The following LRRC4C variants were observed in gnomAD, a reference collection of about 807,000 sequenced individuals.
LRRC4C encodes leucine-rich repeat-containing protein 4C.
LRRC4C carries 5 observed loss-of-function variants against 33.6 expected under a neutral mutation model. The ratio of observed to expected loss-of-function variants is 0.15; its 90% CI spans 0.08 to 0.31. LRRC4C has a LOEUF of 0.31. Ranked by LOEUF, LRRC4C falls within the 10% of genes least tolerant of loss-of-function variation. The probability of loss-of-function intolerance (pLI) is 1.00; values close to 1 mark genes in which losing one functional copy is unlikely to be tolerated. For synonymous variants in LRRC4C, 329 were observed against 302.0 expected (o/e 1.09, Z -0.93); for missense variants, 560 against 796.7 (o/e 0.70, Z 3.58).
chr11:41,340,449 G>A (rs762789673), intron 1 of LRRC4C, among the ~76,000 whole-genome samples: 4 of 152,080 alleles, frequency 2.6e-5, no homozygotes, highest in Non-Finnish European at 5.9e-5. Flanking sequence ...AGTCTTAATC[G>A]GAAGTTAAAT....
At chr11:41,244,627 C>A (rs564849091) in intron 1 of LRRC4C, among the ~76,000 whole-genome samples, 2 of 152,260 alleles carry the variant, frequency 1.3e-5, no homozygotes, top group South Asian at 4.1e-4. Flanking sequence ...GAATTACAAA[C>A]TTTTCTTTTT....
intron 2 of LRRC4C, among the ~76,000 whole-genome samples, chr11:40,769,170 C>T (rs1949630205): frequency 6.6e-6 from 1 of 151,904 alleles, no homozygotes; most frequent in Non-Finnish European, 1.5e-5. Flanking sequence ...GTGAGTAAAA[C>T]TTTATTTGTC....
In LRRC4C at chr11:40,835,127, C is replaced by A. The variant is rs572022993; in HGVS notation, c.-407+98508G>T. Among the ~76,000 whole-genome samples the A allele has an allele frequency of 1.5e-4, 23 of 152,202 alleles. No homozygotes were observed. The South Asian group carries it at 4.4e-3, about 29-fold the overall frequency. ...TTAAAGAAAACTTAAACATGAAATT[C>A]ATTTAGCTCAACCACCATCCTGATA... On this transcript the variant is annotated intron_variant, in intron 2 of 6. Transcript: ENST00000528697.
chr11:40,789,093 G>GAACA (rs1554960705), intron 2 of LRRC4C, among the ~76,000 whole-genome samples: 2 of 63,524 alleles, frequency 3.1e-5, no homozygotes, highest in Non-Finnish European at 5.7e-5. Context: ...TCCGTCTCGG[G>GAACA]AAAAAAAAAA....
chr11:41,284,233 A>G (rs1949754308), intron 1 of LRRC4C, among the ~76,000 whole-genome samples: 2 of 152,202 alleles, frequency 1.3e-5, no homozygotes, highest in Admixed American at 6.5e-5. Flanking sequence ...TATTGCTAAA[A>G]CAATCACGAA....
intron 1 of LRRC4C, among the ~76,000 whole-genome samples, chr11:41,051,034 G>A (rs1199765578): frequency 6.6e-6 from 1 of 152,020 alleles, no homozygotes; most frequent in South Asian, 2.1e-4. Flanking sequence ...ACATTCTAGG[G>A]CTTCTATCAG....
chr11:40,214,883 G>A (rs1029024475), intron 5 of LRRC4C, among the ~76,000 whole-genome samples: 4 of 152,106 alleles, frequency 2.6e-5, no homozygotes, highest in East Asian at 1.9e-4. Context: ...GTCCAAAAAT[G>A]TCTGAAAAAT....
At chr11:40,975,215 C>T (rs1350956683) in intron 1 of LRRC4C, among the ~76,000 whole-genome samples, 1 of 152,136 alleles carries the variant, frequency 6.6e-6, no homozygotes, top group Non-Finnish European at 1.5e-5. Flanking sequence ...TATGTGATAT[C>T]ATGTAAAGTC....
intron 2 of LRRC4C, among the ~76,000 whole-genome samples, chr11:40,929,602 C>A (rs898342993): frequency 1.3e-5 from 2 of 151,918 alleles, no homozygotes; most frequent in Non-Finnish European, 2.9e-5. Context: ...TTATTCAATT[C>A]TTTTTTATTT....
chr11:41,105,495 T>A (rs777607679), intron 1 of LRRC4C, among the ~76,000 whole-genome samples: 3 of 152,036 alleles, frequency 2.0e-5, no homozygotes, highest in Non-Finnish European at 4.4e-5. Context: ...AATTTTTGTG[T>A]CTCTCCTCAG....
chr11:40,454,845 C>CT lies in LRRC4C; in HGVS notation c.-269-135125dup, dbSNP rs201716121. Among the ~76,000 whole-genome samples the CT allele has an allele frequency of 5.6e-4, 85 of 151,268 alleles. 2 individuals are homozygous for CT. The highest frequency in any genetic ancestry group is 1.3e-3 in the African/African-American group (55 of 41,274). Reference sequence around the variant, plus strand: ...CAGGTGGGAGTGAAGTTGAGAAAACCTTTTTTTTTAAATCCAGTATTTATT... The same window carrying CT: ...CAGGTGGGAGTGAAGTTGAGAAAACCTTTTTTTTTTAAATCCAGTATTTATT... On this transcript the variant is annotated intron_variant, in intron 3 of 6. Coordinates refer to ENST00000528697, the MANE Select transcript of LRRC4C (RefSeq NM_001258419.2).
Position 40,898,353 on chromosome 11 carries a change from CAAAA to C in LRRC4C, c.-407+35278_-407+35281del, listed in dbSNP as rs765252333. ...GGGCAACAAGAGTGAAACTCCATCT[CAAAA>C]AAAAAAAAAAAAAAAGAAAAAAGAA... On this transcript the variant is annotated intron_variant, in intron 2 of 6. Coordinates refer to ENST00000528697, the MANE Select transcript of LRRC4C (RefSeq NM_001258419.2). 3.7e-3 allele frequency among the ~76,000 whole-genome samples: 143 copies of C among 38,374 alleles called. 1 individual carries two copies. Among genetic ancestry groups the C allele is most frequent in the African/African-American group, 0.013 (125 of 9,596 alleles). The allele number at this position is 38,374 out of a possible 152,430, so 25.2% of individuals were successfully genotyped here.
At chr11:40,464,422 G>GGAT (rs1369390832) in intron 3 of LRRC4C, among the ~76,000 whole-genome samples, 1 of 151,898 alleles carries the variant, frequency 6.6e-6, no homozygotes, top group Non-Finnish European at 1.5e-5. Flanking sequence ...AACAAGGCAA[G>GGAT]GATGGCCACT....
At chr11:40,748,561 A>G (rs572283483) in intron 2 of LRRC4C, among the ~76,000 whole-genome samples, 46 of 152,266 alleles carry the variant, frequency 3.0e-4, no homozygotes, top group African/African-American at 1.1e-3. Context: ...ACAAATGATA[A>G]GATAAAAAGA....
At chr11:40,128,229 TC>T (rs962137645) in intron 6 of LRRC4C, among the ~76,000 whole-genome samples, 3 of 152,140 alleles carry the variant, frequency 2.0e-5, no homozygotes, top group African/African-American at 7.2e-5. Flanking sequence ...TGAAAGCGAA[TC>T]CCCAAACTTG....
chr11:40,708,343 G>A (rs548072879), intron 2 of LRRC4C, among the ~76,000 whole-genome samples: 2 of 152,132 alleles, frequency 1.3e-5, no homozygotes, highest in South Asian at 4.2e-4. Context: ...TTCTTTTGTG[G>A]GCATTTAGTG....
chr11:40,260,693 C>T (rs1263579042), intron 4 of LRRC4C, among the ~76,000 whole-genome samples: 3 of 152,032 alleles, frequency 2.0e-5, no homozygotes, highest in Non-Finnish European at 4.4e-5. Flanking sequence ...TTTGTGTAAC[C>T]AAATTATCAT....
rs180725309 is a variant in LRRC4C, at chr11:41,065,659, G to C, written c.-495-131936C>G. 8.5e-5 allele frequency among the ~76,000 whole-genome samples: 13 copies of C among 152,256 alleles called. 1 individual carries two copies. In the East Asian group the frequency reaches 2.5e-3, roughly 30 times the overall value. On this transcript the variant is annotated intron_variant, in intron 1 of 6. Coordinates refer to ENST00000528697, the MANE Select transcript of LRRC4C (RefSeq NM_001258419.2). ...AGGGGTCTACGGACAGCTCATACAGGAGAGCTTTGGCTGGCAACAGGCCAG... is the reference window on the plus strand; with the variant it reads ...AGGGGTCTACGGACAGCTCATACAGCAGAGCTTTGGCTGGCAACAGGCCAG...
At chr11:41,004,258 G>A (rs1854578242) in intron 1 of LRRC4C, among the ~76,000 whole-genome samples, 1 of 152,128 alleles carries the variant, frequency 6.6e-6, no homozygotes, top group East Asian at 1.9e-4. Flanking sequence ...AATGTTACAA[G>A]CATCAAATTT....
Sources: allele counts gnomAD v4.1 joint callset (sites outside exome capture counted in the v4.1 genomes callset), GRCh38; gene constraint gnomAD v4.1.1; transcripts MANE v1.5; gene names NCBI Gene and HGNC (gene_info 2026-07-23, HGNC 2026-07-21).